The following MAGI2 variants were observed in gnomAD, a reference collection of about 807,000 sequenced individuals.
The protein encoded by MAGI2 is membrane-associated guanylate kinase, WW and PDZ domain-containing protein 2.
In MAGI2, 35 loss-of-function variants were observed where a neutral mutation model predicts 133.3. The ratio of observed to expected loss-of-function variants is 0.26; its 90% CI spans 0.20 to 0.35. The LOEUF (loss-of-function observed/expected upper bound fraction) is 0.35, where lower values mean the gene tolerates loss of function less well. Among genes scored for constraint, MAGI2 ranks in the 10% least tolerant of loss-of-function variants. The probability of loss-of-function intolerance (pLI) is 1.00; values close to 1 mark genes in which losing one functional copy is unlikely to be tolerated. For synonymous variants in MAGI2, 729 were observed against 710.6 expected, an observed-to-expected ratio of 1.03 and a Z score of -0.41; for missense variants, 1,636 against 1,863.4, an observed-to-expected ratio of 0.88 and a Z score of 2.25.
chr7:78,651,300 T>C (rs1458691822), intron 2 of MAGI2, among the ~76,000 whole-genome samples: 1 of 124,432 alleles, frequency 8.0e-6, no homozygotes, highest in Non-Finnish European at 1.7e-5. Context: ...ACATGCCCTA[T>C]AAACTTTCTG....
intron 1 of MAGI2, among the ~76,000 whole-genome samples, chr7:79,263,424 C>T (rs1463703703): frequency 6.6e-6 from 1 of 152,100 alleles, no homozygotes; most frequent in African/African-American, 2.4e-5. Context: ...GGTTTCCCAG[C>T]TGACACCAGG....
chr7:78,289,206 T>C (rs898409811), intron 9 of MAGI2, among the ~76,000 whole-genome samples: 1 of 151,914 alleles, frequency 6.6e-6, no homozygotes, highest in African/African-American at 2.4e-5. Context: ...GCTAAAACCT[T>C]GAAAAAAGAT....
At chr7:78,955,723 C>CTCTTTCTTTCTTTCTTCCTTTCTTTCTT (rs1802268043) in intron 2 of MAGI2, among the ~76,000 whole-genome samples, 6 of 83,434 alleles carry the variant, frequency 7.2e-5, no homozygotes, top group African/African-American at 2.3e-4. Flanking sequence ...TTCTTTCTTT[C>CTCTTTCTTTCTTTCTTCCTTTCTTTCTT]TCTTTCTTTC....
chr7:78,919,494 A>T (rs1166072174), intron 2 of MAGI2, among the ~76,000 whole-genome samples: 1 of 152,140 alleles, frequency 6.6e-6, no homozygotes, highest in Non-Finnish European at 1.5e-5. Context: ...AAAAGCATCA[A>T]ATAATTAATA....
At chr7:79,020,365 T>C (rs1809185324) in intron 1 of MAGI2, among the ~76,000 whole-genome samples, 1 of 152,174 alleles carries the variant, frequency 6.6e-6, no homozygotes, top group South Asian at 2.1e-4. Context: ...ATGTTTAAAA[T>C]GGAAGCAGAG....
At chr7:79,190,057 T>C (rs1009980317) in intron 1 of MAGI2, among the ~76,000 whole-genome samples, 19 of 152,026 alleles carry the variant, frequency 1.2e-4, no homozygotes, top group Admixed American at 2.6e-4. Context: ...TTTAAATTTT[T>C]TTTGTCATTA....
chr7:79,446,179 G>C (rs1434848069), intron 1 of MAGI2, among the ~76,000 whole-genome samples: 1 of 152,152 alleles, frequency 6.6e-6, no homozygotes, highest in African/African-American at 2.4e-5. Context: ...AGTGGGAGGA[G>C]GGGGGAGGGA....
At chr7:79,070,362 C>T (rs559211553) in intron 1 of MAGI2, among the ~76,000 whole-genome samples, 74 of 151,766 alleles carry the variant, frequency 4.9e-4, no homozygotes, top group African/African-American at 1.7e-3. Flanking sequence ...AGTTGCTCTT[C>T]AATCTCTGAT....
intron 2 of MAGI2, among the ~76,000 whole-genome samples, chr7:78,910,414 C>A (rs1240394282): frequency 6.6e-6 from 1 of 151,816 alleles, no homozygotes; most frequent in Non-Finnish European, 1.5e-5. Flanking sequence ...ATGTAAAAGG[C>A]CTTGGATAAT....
intron 2 of MAGI2, among the ~76,000 whole-genome samples, chr7:78,682,286 C>G (rs940886628): frequency 6.6e-6 from 1 of 151,364 alleles, no homozygotes; most frequent in Middle Eastern, 3.4e-3. Flanking sequence ...AGATTTGTTA[C>G]ATAGGTATAC....
chr7:78,048,567 C>T (rs1811673970), intron 21 of MAGI2, among the ~76,000 whole-genome samples: 1 of 152,118 alleles, frequency 6.6e-6, no homozygotes, highest in Non-Finnish European at 1.5e-5. Context: ...CACTACCCCC[C>T]TAAAAAGAAC....
chr7:79,336,222 G>C (rs1437013952), intron 1 of MAGI2, among the ~76,000 whole-genome samples: 1 of 151,962 alleles, frequency 6.6e-6, no homozygotes, highest in Non-Finnish European at 1.5e-5. Flanking sequence ...ATCCATTTAG[G>C]ACACAGGTGA....
chr7:79,025,031 C>A (rs1429246555), intron 1 of MAGI2, among the ~76,000 whole-genome samples: 1 of 152,068 alleles, frequency 6.6e-6, no homozygotes, highest in Non-Finnish European at 1.5e-5. Context: ...ATAAACTGTT[C>A]TACCATAAAG....
At chr7:79,291,050 C>T (rs1388445968) in intron 1 of MAGI2, among the ~76,000 whole-genome samples, 1 of 151,926 alleles carries the variant, frequency 6.6e-6, no homozygotes, top group Non-Finnish European at 1.5e-5. Flanking sequence ...GAAAGAAGAT[C>T]TGTACCCATT....
At chr7:79,223,040 G>A (rs954146354) in intron 1 of MAGI2, among the ~76,000 whole-genome samples, 60 of 151,814 alleles carry the variant, frequency 4.0e-4, no homozygotes, top group African/African-American at 1.4e-3. Flanking sequence ...ACCCGCTACC[G>A]CTCCTGGCTA....
chr7:78,893,571 TC>T (rs1360686395), intron 2 of MAGI2, among the ~76,000 whole-genome samples: 2 of 152,156 alleles, frequency 1.3e-5, no homozygotes, highest in African/African-American at 2.4e-5. Flanking sequence ...TGAGTTCATG[TC>T]CTTTGTAGGG....
intron 6 of MAGI2, among the ~76,000 whole-genome samples, chr7:78,417,471 G>T (rs1798406781): frequency 6.6e-6 from 1 of 151,988 alleles, no homozygotes; most frequent in Non-Finnish European, 1.5e-5. Context: ...TCCCTCGTTA[G>T]TGCCACATCT....
intron 9 of MAGI2, among the ~76,000 whole-genome samples, chr7:78,323,973 G>C (rs1210579031): frequency 1.8e-4 from 28 of 152,092 alleles, no homozygotes; most frequent in Admixed American, 1.8e-3. Context: ...TATACGTTCT[G>C]TGTATTGATC....
intron 2 of MAGI2, among the ~76,000 whole-genome samples, chr7:78,709,376 A>C (rs323175): frequency 0.68 from 102,883 of 151,520 alleles, 35,081 homozygotes; most frequent in East Asian, 0.84. Context: ...CATCTCTCTA[A>C]GGAAATGCCC....
Sources: allele counts gnomAD v4.1 joint callset (sites outside exome capture counted in the v4.1 genomes callset), GRCh38; gene constraint gnomAD v4.1.1; transcripts MANE v1.5; gene names NCBI Gene and HGNC (gene_info 2026-07-23, HGNC 2026-07-21).